The following ABCC1 variants were observed in gnomAD, a reference collection of about 807,000 sequenced individuals.
The protein encoded by ABCC1 is multidrug resistance-associated protein 1.
A neutral mutation model predicts 172.9 loss-of-function variants in ABCC1; 83 were observed. That is an observed-to-expected ratio of 0.48 (90% confidence interval 0.40 to 0.58). ABCC1 has a LOEUF of 0.58. ABCC1 is among the 20% of genes least tolerant of loss of function. The probability of loss-of-function intolerance (pLI) is 0.00; values close to 1 mark genes in which losing one functional copy is unlikely to be tolerated. For synonymous variants in ABCC1, 937 were observed against 825.2 expected, an observed-to-expected ratio of 1.14 and a Z score of -2.32; for missense variants, 1,817 against 2,002.7, an observed-to-expected ratio of 0.91 and a Z score of 1.77.
intron 1 of ABCC1, among the ~76,000 whole-genome samples, chr16:15,960,885 T>G (rs1032586456): frequency 2.6e-5 from 4 of 152,024 alleles, no homozygotes; most frequent in Admixed American, 6.6e-5. Context: ...CAATGGCTTG[T>G]GGTCCTGGAA....
chr16:16,086,723 C>A, intron 17 of ABCC1, 101 bp from the exon 18 acceptor site: 1 of 1,364,304 alleles, frequency 7.3e-7, no homozygotes, highest in Non-Finnish European at 1.0e-6. Flanking sequence ...TCCACCTTGG[C>A]CTCCCAAAGT....
At chr16:16,025,226 C>A (rs981519188) in intron 5 of ABCC1, among the ~76,000 whole-genome samples, 1 of 151,910 alleles carries the variant, frequency 6.6e-6, no homozygotes, top group Non-Finnish European at 1.5e-5. Context: ...GCTGGGTGCA[C>A]TGTATTATTT....
intron 22 of ABCC1, among the ~76,000 whole-genome samples, chr16:16,114,470 A>G (rs2044756878): frequency 6.6e-6 from 1 of 151,824 alleles, no homozygotes; most frequent in South Asian, 2.1e-4. Flanking sequence ...CCTCCCGAGT[A>G]GCTGGGATTA....
At position 16,044,449 on chromosome 16, in the gene ABCC1, G is replaced by A. The variant is rs1207484342; in HGVS notation, c.810-1G>A. On this transcript the variant is annotated splice_acceptor_variant, in intron 7 of 30. Transcript: ENST00000399410. LOFTEE classifies it high-confidence loss of function. The stretch of plus-strand genomic sequence containing the variant: ...AACGGCTTCACCTCCTTGTGTTCCA[G>A]GCAGCCGGTGAAGGTTGTGTACTCC... 3.7e-6 allele frequency: 6 copies of A among 1,613,528 alleles called. No homozygotes were observed. The highest frequency in any genetic ancestry group is 1.3e-5 in the African/African-American group (1 of 74,914).
chr16:16,134,015 C>T (rs950080801), intron 27 of ABCC1, among the ~76,000 whole-genome samples: 2 of 152,132 alleles, frequency 1.3e-5, no homozygotes, highest in African/African-American at 4.8e-5. Flanking sequence ...GAGGAAATGC[C>T]TGATTATTAC....
chr16:16,071,445 G>A (rs1210783421), intron 13 of ABCC1, among the ~76,000 whole-genome samples, 197 bp from the exon 14 acceptor site: 1 of 152,004 alleles, frequency 6.6e-6, no homozygotes, highest in Non-Finnish European at 1.5e-5. Context: ...TTAAAACAAA[G>A]CAGAACCAAA....
intron 1 of ABCC1, among the ~76,000 whole-genome samples, chr16:16,000,372 TGG>T (rs2047263148): frequency 2.5e-5 from 1 of 40,194 alleles, no homozygotes; most frequent in African/African-American, 5.6e-5. Flanking sequence ...TTTGAACTCC[TGG>T]GCTCAAGTGA....
In ABCC1 at chr16:15,966,578, T is replaced by C. The variant is rs149590199; in HGVS notation, c.48+16779T>C. 4.2e-3 allele frequency among the ~76,000 whole-genome samples: 637 copies of C among 152,112 alleles called. 5 individuals carry two copies. Among genetic ancestry groups the C allele is most frequent in the African/African-American group, 0.013 (538 of 41,498 alleles). On this transcript the variant is annotated intron_variant, in intron 1 of 30. Transcript: ENST00000399410. The stretch of plus-strand genomic sequence containing the variant: ...AGCCCTTTGATAAGGCTTCACTAAT[T>C]TACTAACCCAGGATCGCATGTTAGA...
At chr16:16,097,701 G>A (rs1567400334) in intron 19 of ABCC1, among the ~76,000 whole-genome samples, 1 of 152,202 alleles carries the variant, frequency 6.6e-6, no homozygotes, top group Non-Finnish European at 1.5e-5. Context: ...GCATTGGGAA[G>A]TCAGCTCTGC....
At chr16:16,003,939 T>G (rs2047418908) in intron 1 of ABCC1, among the ~76,000 whole-genome samples, 1 of 101,738 alleles carries the variant, frequency 9.8e-6, no homozygotes, top group African/African-American at 3.0e-5. Flanking sequence ...AATGGATGAA[T>G]TGGTTGGGGG....
chr16:16,048,588 CT>C (rs2049309309), intron 10 of ABCC1, among the ~76,000 whole-genome samples: 1 of 152,182 alleles, frequency 6.6e-6, no homozygotes, highest in African/African-American at 2.4e-5. Flanking sequence ...CATCATATTT[CT>C]CCCCTTGAAT....
At chr16:16,068,824 TA>T (rs1217208341) in intron 13 of ABCC1, among the ~76,000 whole-genome samples, 1 of 151,628 alleles carries the variant, frequency 6.6e-6, no homozygotes, top group Admixed American at 6.6e-5. Flanking sequence ...TCATCTCTAC[TA>T]AAAATACAAA....
intron 16 of ABCC1, among the ~76,000 whole-genome samples, chr16:16,083,095 C>G (rs1015087621): frequency 6.6e-6 from 1 of 152,236 alleles, no homozygotes; most frequent in Non-Finnish European, 1.5e-5. Flanking sequence ...TAATAGCTAG[C>G]TACTAAGTAA....
At chr16:15,984,721 G>A (rs933112406) in intron 1 of ABCC1, among the ~76,000 whole-genome samples, 1 of 152,130 alleles carries the variant, frequency 6.6e-6, no homozygotes, top group Non-Finnish European at 1.5e-5. Context: ...TGAGATTACA[G>A]GCTTGAGCCA....
intron 23 of ABCC1, 26 bp from the exon 24 acceptor site, chr16:16,121,949 C>G: frequency 1.2e-6 from 2 of 1,612,956 alleles, no homozygotes; most frequent in Non-Finnish European, 1.7e-6. Flanking sequence ...CCTTCATCAA[C>G]TCCCCGCGTC....
intron 20 of ABCC1, among the ~76,000 whole-genome samples, chr16:16,103,301 C>T (rs992694954): frequency 6.6e-6 from 1 of 152,158 alleles, no homozygotes; most frequent in South Asian, 2.1e-4. Flanking sequence ...CTAAGTCGGC[C>T]AGGCAGGGTG....
intron 19 of ABCC1, chr16:16,094,337 T>C (rs571364191): frequency 1.2e-4 from 31 of 260,438 alleles, no homozygotes; most frequent in African/African-American, 6.6e-4. Flanking sequence ...CAGTGCTCTT[T>C]TTGGGCCGCC....
intron 3 of ABCC1, among the ~76,000 whole-genome samples, chr16:16,010,612 CAG>C (rs1483148426): frequency 2.6e-5 from 4 of 152,256 alleles, no homozygotes; most frequent in African/African-American, 9.6e-5. Context: ...TAGTGAGTGA[CAG>C]AGACAAGGAA....
intron 20 of ABCC1, among the ~76,000 whole-genome samples, chr16:16,104,741 G>A (rs1056233239): frequency 1.3e-5 from 2 of 152,126 alleles, no homozygotes; most frequent in Non-Finnish European, 2.9e-5. Context: ...CGGGAGGCTC[G>A]GGCCGCGCAG....
Sources: gnomAD v4.1 joint callset for allele counts (sites outside exome capture counted in the v4.1 genomes callset) on GRCh38, gnomAD v4.1.1 for gene constraint, MANE v1.5 for transcripts, NCBI Gene and HGNC (gene_info 2026-07-23, HGNC 2026-07-21) for gene names.